ABCC4: variants seen among roughly 807,000 people sequenced by gnomAD.
ABCC4 encodes the protein ATP-binding cassette sub-family C member 4.
A neutral mutation model predicts 168.5 loss-of-function variants in ABCC4; 102 were observed. That is an observed-to-expected ratio of 0.61 (90% CI 0.52 to 0.71). ABCC4 has a LOEUF of 0.71. ABCC4 is among the 30% of genes least tolerant of loss of function. The pLI, the probability that ABCC4 is intolerant of heterozygous loss-of-function variation, is 0.00. For synonymous variants in ABCC4, 617 were observed against 590.7 expected (o/e 1.04, Z -0.65); for missense variants, 1,402 against 1,605.8 (o/e 0.87, Z 2.17).
intron 30 of ABCC4, among the ~76,000 whole-genome samples, chr13:95,032,619 T>TCC (rs1007239427): frequency 3.9e-5 from 6 of 152,208 alleles, no homozygotes; most frequent in African/African-American, 1.4e-4. Context: ...GGATAAATCT[T>TCC]TAATACAGAA....
At chr13:95,081,417 C>T (rs2034092394) in intron 21 of ABCC4, among the ~76,000 whole-genome samples, 1 of 152,184 alleles carries the variant, frequency 6.6e-6, no homozygotes, top group Non-Finnish European at 1.5e-5. Flanking sequence ...CGGGCCCAAA[C>T]CATAAAATGC....
At position 95,206,532 on chromosome 13, in the gene ABCC4, C is replaced by G. The variant is rs1566525753; in HGVS notation, c.1161G>C (p.Gln387His). The change falls in exon 8 of 31, where the codon CAG becomes CAC. Residue 387 changes from glutamine to histidine, a missense_variant and splice_region_variant. Physicochemically the swap from Gln to His is conservative, Grantham distance 24. Coordinates refer to ENST00000645237, the MANE Select transcript of ABCC4 (RefSeq NM_005845.5). The stretch of plus-strand genomic sequence containing the variant: ...CTTTAAAATGGCATCTGACACCAAC[C>G]TGGATTCTTCGGATGCTGACGATTG... Reference protein sequence around the residue: ...SEAIVSIRRIQTFLLLDEISQ... With the variant: ...SEAIVSIRRIHTFLLLDEISQ... 6.2e-7 allele frequency: 1 copy of G among 1,612,978 alleles called. No homozygotes were observed. The highest frequency in any genetic ancestry group is 8.5e-7 in the Non-Finnish European group (1 of 1,179,038).
chr13:95,186,216 G>A (rs537304062), intron 11 of ABCC4, among the ~76,000 whole-genome samples: 2 of 150,804 alleles, frequency 1.3e-5, no homozygotes, highest in South Asian at 2.1e-4. Flanking sequence ...CTAGAGATAA[G>A]TAATAAGGTA....
intron 1 of ABCC4, among the ~76,000 whole-genome samples, chr13:95,248,860 A>G (rs1387428528): frequency 2.6e-5 from 4 of 152,192 alleles, no homozygotes; most frequent in Non-Finnish European, 4.4e-5. Context: ...CAGCCCGGCA[A>G]AACCCCATCT....
At chr13:95,269,390 C>T in intron 1 of ABCC4, 2 of 432,718 alleles carry the variant, frequency 4.6e-6, no homozygotes, top group South Asian at 3.2e-5. Flanking sequence ...TGCGCCACTG[C>T]ACTCCAGCCT....
chr13:95,036,031 T>C (rs1409995008), intron 29 of ABCC4, among the ~76,000 whole-genome samples: 4 of 152,208 alleles, frequency 2.6e-5, no homozygotes, highest in Admixed American at 6.5e-5. Flanking sequence ...TCAAGAATAA[T>C]TGAATCTGTC....
At chr13:95,211,301 G>A (rs1466186810) in intron 4 of ABCC4, among the ~76,000 whole-genome samples, 3 of 152,168 alleles carry the variant, frequency 2.0e-5, no homozygotes, top group Non-Finnish European at 4.4e-5. Context: ...AGCCCCAGCA[G>A]ATACAGTGAC....
chr13:95,145,982 C>T (rs1267601517), intron 19 of ABCC4, among the ~76,000 whole-genome samples: 1 of 152,072 alleles, frequency 6.6e-6, no homozygotes, highest in African/African-American at 2.4e-5. Context: ...GAGGCCAAGG[C>T]AGGAGGATCA....
At chr13:95,216,812 G>A (rs1459706829) in intron 4 of ABCC4, among the ~76,000 whole-genome samples, 1 of 152,134 alleles carries the variant, frequency 6.6e-6, no homozygotes, top group African/African-American at 2.4e-5. Context: ...CGGGGAAAAT[G>A]TAAGTAATTA....
At position 95,296,189 on chromosome 13, in the gene ABCC4, C is replaced by T. The variant is rs1224385265; in HGVS notation, c.74+5052G>A. On this transcript the variant is annotated intron_variant, in intron 1 of 30. Coordinates refer to ENST00000645237, the MANE Select transcript of ABCC4 (RefSeq NM_005845.5). ...ACACACACACACACACACACAAAAACACAAAATTAAATGGCCAGGAATAGT... is the reference window on the plus strand; with the variant it reads ...ACACACACACACACACACACAAAAATACAAAATTAAATGGCCAGGAATAGT... Among the ~76,000 whole-genome samples the T allele has an allele frequency of 3.0e-4, 39 of 131,160 alleles. 2 individuals are homozygous for T. In the Admixed American group the frequency reaches 3.0e-3, roughly 10 times the overall value. The allele number at this position is 131,160 out of a possible 152,430, so 86.0% of individuals were successfully genotyped here.
intron 29 of ABCC4, among the ~76,000 whole-genome samples, chr13:95,036,054 C>G (rs2032106545): frequency 6.6e-6 from 1 of 152,176 alleles, no homozygotes; most frequent in African/African-American, 2.4e-5. Context: ...ATCCACATAA[C>G]AATTAAAATG....
chr13:95,131,798 C>G lies in ABCC4; in HGVS notation c.2456-15797G>C, dbSNP rs1247453650. Reference sequence around the variant, plus strand: ...CTACTATCATAAAACCAGAAAATACCAAGTGTTGGCAGGGATGTGAAGGAA... The same window carrying G: ...CTACTATCATAAAACCAGAAAATACGAAGTGTTGGCAGGGATGTGAAGGAA... On this transcript the variant is annotated intron_variant, in intron 19 of 30. Transcript: ENST00000645237. Among the ~76,000 whole-genome samples, 51 of 151,858 alleles carry G rather than the reference C, an allele frequency of 3.4e-4. 1 individual carries two copies. Among genetic ancestry groups the G allele is most frequent in the Admixed American group, 3.2e-3 (49 of 15,258 alleles).
intron 19 of ABCC4, among the ~76,000 whole-genome samples, chr13:95,124,654 A>C (rs2035690311): frequency 7.4e-6 from 1 of 135,584 alleles, no homozygotes; most frequent in Non-Finnish European, 1.6e-5. Flanking sequence ...GGATCACCTG[A>C]GGCCAGGAAT....
chr13:95,059,116 T>G (rs1355272586), intron 26 of ABCC4, among the ~76,000 whole-genome samples: 2 of 152,218 alleles, frequency 1.3e-5, no homozygotes, highest in Admixed American at 6.5e-5. Flanking sequence ...CAAAGCAGAG[T>G]TCTGATCGGG....
chr13:95,039,259 G>A (rs1593987855), intron 29 of ABCC4, among the ~76,000 whole-genome samples: 6 of 152,220 alleles, frequency 3.9e-5, no homozygotes, highest in Middle Eastern at 3.4e-3. Flanking sequence ...CCCAATGAGT[G>A]TCTCCTACAA....
In ABCC4 at chr13:95,206,555, T is replaced by C. The variant is rs1370276985; in HGVS notation, c.1138A>G (p.Ile380Val). Residue 380 changes from isoleucine to valine, a missense_variant, in exon 8 of 31, where the codon ATC (isoleucine) becomes GTC (valine). Transcript: ENST00000645237. The part of the protein sequence containing the change: ...PSAIERVSEA[I>V]VSIRRIQTFL... The stretch of plus-strand genomic sequence containing the variant: ...ACCTGGATTCTTCGGATGCTGACGA[T>C]TGCCTCTGACACCCTCTCAATGGCT... 7 of 1,613,934 alleles carry C rather than the reference T, an allele frequency of 4.3e-6. No individual in the cohort carries two copies. Among genetic ancestry groups the C allele is most frequent in the Non-Finnish European group, 5.9e-6 (7 of 1,179,806 alleles).
chr13:95,129,258 T>C (rs2035881832), intron 19 of ABCC4, among the ~76,000 whole-genome samples: 2 of 152,346 alleles, frequency 1.3e-5, no homozygotes, highest in South Asian at 2.1e-4. Context: ...TACATGTTCA[T>C]TGAAATTGAA....
At chr13:95,172,303 C>T (rs1005561670) in intron 13 of ABCC4, among the ~76,000 whole-genome samples, 4 of 152,178 alleles carry the variant, frequency 2.6e-5, no homozygotes, top group Non-Finnish European at 5.9e-5. Context: ...ATTAAGAGGC[C>T]AGCCACGGGG....
intron 20 of ABCC4, chr13:95,095,954 C>T (rs1347890175): frequency 2.6e-6 from 1 of 391,912 alleles, no homozygotes; most frequent in Non-Finnish European, 4.5e-6. Context: ...TAGGTGCTTA[C>T]CCAAATGATA....
Sources: allele counts gnomAD v4.1 joint callset (sites outside exome capture counted in the v4.1 genomes callset), GRCh38; gene constraint gnomAD v4.1.1; transcripts MANE v1.5; gene names NCBI Gene and HGNC (gene_info 2026-07-23, HGNC 2026-07-21).